TRPC5: variants seen among roughly 807,000 people sequenced by gnomAD.
TRPC5 encodes short transient receptor potential channel 5.
Under a neutral mutation model 56.5 loss-of-function variants are expected in TRPC5, and 9 were observed. The observed-to-expected ratio is 0.16, with a 90% CI of 0.10 to 0.28. The LOEUF (loss-of-function observed/expected upper bound fraction) is 0.28, where lower values mean the gene tolerates loss of function less well. Ranked by LOEUF, TRPC5 falls within the 10% of genes least tolerant of loss-of-function variation. The pLI is 1.00. For synonymous variants in TRPC5, 282 were observed against 278.5 expected, an observed-to-expected ratio of 1.01 and a Z score of -0.13; for missense variants, 469 against 748.9, an observed-to-expected ratio of 0.63 and a Z score of 4.36.
chrX:112,011,195 A>G (rs749141750), intron 1 of TRPC5, among the ~76,000 whole-genome samples: 3 of 111,114 alleles, frequency 2.7e-5, no homozygotes, highest in Admixed American at 9.6e-5. Context: ...GTGCCCCCCA[A>G]TTTCTCCTTA....
chrX:111,873,171 G>C (rs1923814282), intron 3 of TRPC5, among the ~76,000 whole-genome samples: 1 of 112,412 alleles, frequency 8.9e-6, no homozygotes, highest in Non-Finnish European at 1.9e-5. Flanking sequence ...AAAATACTTT[G>C]CCATAAAGAT....
At chrX:111,891,403 G>T (rs1479364531) in intron 3 of TRPC5, among the ~76,000 whole-genome samples, 1 of 111,698 alleles carries the variant, frequency 9.0e-6, no homozygotes, top group Non-Finnish European at 1.9e-5. Flanking sequence ...TTTAATAGGA[G>T]CCAAGAAATC....
chrX:111,967,546 A>AGGTGGAG (rs1927632820), intron 1 of TRPC5, among the ~76,000 whole-genome samples: 1 of 109,986 alleles, frequency 9.1e-6, no homozygotes, highest in Non-Finnish European at 1.9e-5. Context: ...AAAAGAACAA[A>AGGTGGAG]GCATCACACT....
chrX:111,938,381 A>G (rs1271055399), intron 2 of TRPC5, among the ~76,000 whole-genome samples: 3 of 105,453 alleles, frequency 2.8e-5, no homozygotes, highest in African/African-American at 1.1e-4. Context: ...TTCCAACACT[A>G]TGTTGAATAG....
intron 2 of TRPC5, among the ~76,000 whole-genome samples, chrX:111,917,384 G>A (rs1926007507): frequency 8.9e-6 from 1 of 111,934 alleles, no homozygotes; most frequent in South Asian, 3.7e-4. Flanking sequence ...TCTAGAGATA[G>A]ATAAAAAATA....
intron 1 of TRPC5, among the ~76,000 whole-genome samples, chrX:112,047,317 A>G (rs756740178): frequency 3.6e-4 from 40 of 111,816 alleles, no homozygotes; most frequent in Middle Eastern, 4.6e-3. Context: ...GCTTTATAAT[A>G]TATCAGAATC....
chrX:112,063,216 T>C (rs978430056), intron 1 of TRPC5, among the ~76,000 whole-genome samples: 1 of 111,840 alleles, frequency 8.9e-6, no homozygotes, highest in Non-Finnish European at 1.9e-5. Flanking sequence ...ACCTAGAGAT[T>C]CTAGACTGGT....
At chrX:111,874,832 T>A (rs1379251302) in intron 3 of TRPC5, among the ~76,000 whole-genome samples, 1 of 112,655 alleles carries the variant, frequency 8.9e-6, no homozygotes, top group Non-Finnish European at 1.9e-5. Flanking sequence ...GTTTATGTAT[T>A]ACCTGTGGTT....
At chrX:112,016,556 C>T (rs1035099274) in intron 1 of TRPC5, among the ~76,000 whole-genome samples, 1 of 111,436 alleles carries the variant, frequency 9.0e-6, no homozygotes, top group Non-Finnish European at 1.9e-5. Context: ...TACCCTTTCT[C>T]TTCCTGGTCC....
intron 2 of TRPC5, among the ~76,000 whole-genome samples, chrX:111,916,883 G>A (rs1925993032): frequency 8.9e-6 from 1 of 112,940 alleles, no homozygotes; most frequent in African/African-American, 3.2e-5. Context: ...TGTGACCTTC[G>A]TGCTAGCACA....
intron 1 of TRPC5, among the ~76,000 whole-genome samples, chrX:112,021,026 C>G (rs751771016): frequency 9.2e-6 from 1 of 108,836 alleles, no homozygotes; most frequent in East Asian, 2.9e-4. Context: ...CTCGTTACCA[C>G]CTCCATCACA....
chrX:111,964,224 G>T (rs182226276), intron 1 of TRPC5, among the ~76,000 whole-genome samples: 19 of 112,151 alleles, frequency 1.7e-4, no homozygotes, highest in Admixed American at 6.6e-4. Context: ...AAGGGTATCA[G>T]TGATGGAAGA....
intron 1 of TRPC5, among the ~76,000 whole-genome samples, chrX:111,958,648 A>G (rs1302420767): frequency 8.9e-6 from 1 of 112,451 alleles, no homozygotes; most frequent in Non-Finnish European, 1.9e-5. Flanking sequence ...TAATTAGTCT[A>G]AGGCTAAGTT....
intron 1 of TRPC5, among the ~76,000 whole-genome samples, chrX:112,041,096 C>T (rs1355094415): frequency 1.8e-5 from 2 of 111,462 alleles, no homozygotes; most frequent in Non-Finnish European, 3.8e-5. Flanking sequence ...CTCAGCATTT[C>T]CAACCTACTA....
chrX:111,778,134 CAG>C (rs985276582), intron 10 of TRPC5, among the ~76,000 whole-genome samples: 3 of 110,185 alleles, frequency 2.7e-5, no homozygotes, highest in African/African-American at 6.6e-5. Flanking sequence ...ACATCACACA[CAG>C]GGGCCTGTCA....
chrX:111,890,777 A>G (rs1471217361), intron 3 of TRPC5, among the ~76,000 whole-genome samples: 1 of 111,740 alleles, frequency 8.9e-6, no homozygotes, highest in Non-Finnish European at 1.9e-5. Context: ...AGGTAAACCC[A>G]TGTCATGGTG....
At chrX:111,831,065 C>G (rs1393699282) in intron 7 of TRPC5, among the ~76,000 whole-genome samples, 4 of 112,203 alleles carry the variant, frequency 3.6e-5, no homozygotes, top group Non-Finnish European at 7.5e-5. Flanking sequence ...TAGTGATATT[C>G]AGACTGTTTA....
intron 1 of TRPC5, among the ~76,000 whole-genome samples, chrX:112,070,129 C>T (rs184406605): frequency 5.4e-4 from 60 of 112,011 alleles, no homozygotes; most frequent in African/African-American, 1.9e-3. Flanking sequence ...AGCTGCAGAG[C>T]CTTTTGACAA....
At chrX:111,990,767 T>C (rs745472832) in intron 1 of TRPC5, among the ~76,000 whole-genome samples, 6 of 112,108 alleles carry the variant, frequency 5.4e-5, no homozygotes, top group Non-Finnish European at 1.1e-4. Flanking sequence ...AAGTGCTTGG[T>C]TACCAGATGG....
Sources: allele counts gnomAD v4.1 joint callset (sites outside exome capture counted in the v4.1 genomes callset), GRCh38; gene constraint gnomAD v4.1.1; transcripts MANE v1.5; gene names NCBI Gene and HGNC (gene_info 2026-07-23, HGNC 2026-07-21).